Variants in BRCC3 observed in about 807,000 individuals in gnomAD.
BRCC3 encodes the protein lys-63-specific deubiquitinase BRCC36.
A neutral mutation model predicts 28.0 loss-of-function variants in BRCC3; 15 were observed. That is an observed-to-expected ratio of 0.54 (90% CI 0.36 to 0.82). The LOEUF is 0.82. Ranked by LOEUF, BRCC3 falls within the 40% of genes least tolerant of loss-of-function variation. The pLI is 0.01. For missense variants in BRCC3, 109 were observed against 225.9 expected, an observed-to-expected ratio of 0.48 and a Z score of 3.32; for synonymous variants, 66 against 80.3, an observed-to-expected ratio of 0.82 and a Z score of 0.95.
intron 7 of BRCC3, among the ~76,000 whole-genome samples, chrX:155,093,163 T>C (rs1211268506): frequency 1.8e-5 from 2 of 111,117 alleles, no homozygotes; most frequent in Non-Finnish European, 3.8e-5. Context: ...TTCAAACTGC[T>C]GTACACTTCA....
chrX:155,105,367 C>T (rs1485740321), intron 7 of BRCC3, among the ~76,000 whole-genome samples: 3 of 111,512 alleles, frequency 2.7e-5, no homozygotes, highest in African/African-American at 9.8e-5. Context: ...CCTGTAATCC[C>T]AGCTACTCGG....
chrX:155,084,195 A>T (rs1557294492), intron 5 of BRCC3, among the ~76,000 whole-genome samples: 1 of 112,491 alleles, frequency 8.9e-6, no homozygotes, highest in African/African-American at 3.2e-5. Context: ...AGACTATTTC[A>T]TAAATCTCCC....
intron 7 of BRCC3, 117 bp from the exon 8 acceptor site, chrX:155,115,940 C>T: frequency 1.4e-6 from 1 of 719,473 alleles, no homozygotes; most frequent in Middle Eastern, 5.2e-4. Flanking sequence ...AAATGAATTA[C>T]AGCAATGCTT....
intron 7 of BRCC3, among the ~76,000 whole-genome samples, chrX:155,096,045 G>A (rs782811994): frequency 5.6e-4 from 63 of 112,176 alleles, no homozygotes; most frequent in African/African-American, 1.9e-3. Flanking sequence ...CCATCAATAA[G>A]TAATGCATGA....
At chrX:155,090,763 C>T (rs1557295524) in intron 6 of BRCC3, 21 bp from the exon 7 acceptor site, 4 of 1,160,454 alleles carry the variant, frequency 3.4e-6, no homozygotes, top group Non-Finnish European at 4.7e-6. Flanking sequence ...ATATTTCTTT[C>T]TTTCTTTTTT....
intron 3 of BRCC3, among the ~76,000 whole-genome samples, chrX:155,076,899 G>C (rs2074048938): frequency 8.9e-6 from 1 of 111,884 alleles, no homozygotes; most frequent in Admixed American, 9.5e-5. Context: ...TTTGTACATA[G>C]TTGTAAGTCA....
intron 6 of BRCC3, among the ~76,000 whole-genome samples, chrX:155,090,127 T>C (rs1465657514): frequency 8.9e-6 from 1 of 112,353 alleles, no homozygotes; most frequent in Non-Finnish European, 1.9e-5. Context: ...AGGAGTATTA[T>C]TCCCATTTTA....
chrX:155,101,709 T>C (rs1315913418), intron 7 of BRCC3, among the ~76,000 whole-genome samples: 1 of 111,806 alleles, frequency 8.9e-6, no homozygotes, highest in Non-Finnish European at 1.9e-5. Context: ...CTTTCTTTGA[T>C]TTTCTAGCAC....
At chrX:155,116,215 C>T in intron 8 of BRCC3, 27 bp downstream of exon 8, 2 of 1,156,163 alleles carry the variant, frequency 1.7e-6, no homozygotes, top group Non-Finnish European at 2.3e-6. Flanking sequence ...CTCCTCTTCT[C>T]TACTTCTCAG....
intron 5 of BRCC3, among the ~76,000 whole-genome samples, chrX:155,085,420 C>T (rs1271125167): frequency 8.9e-6 from 1 of 112,239 alleles, no homozygotes; most frequent in Non-Finnish European, 1.9e-5. Flanking sequence ...ACAGCTTAAC[C>T]AGCTCTCTGC....
intron 3 of BRCC3, 61 bp from the exon 4 acceptor site, chrX:155,077,109 T>C (rs1300782952): frequency 2.0e-6 from 2 of 1,020,861 alleles, no homozygotes; most frequent in African/African-American, 3.8e-5. Flanking sequence ...ATTCTATAGT[T>C]GAAGGGGGAT....
Position 155,085,041 on chromosome X carries a change from A to G in BRCC3, c.404-4222A>G, listed in dbSNP as rs927159426. On this transcript the variant is annotated intron_variant, in intron 5 of 10. Transcript: ENST00000330045. ...TTTCAGATATATAAGAACATTTCCA[A>G]TGGCCTCCACATGTAATTTTGGAAA... Among the ~76,000 whole-genome samples, 13 of 111,962 alleles carry G rather than the reference A, an allele frequency of 1.2e-4. 1 individual carries two copies. The highest frequency in any genetic ancestry group is 1.9e-4 in the Non-Finnish European group (10 of 53,206).
Position 155,079,929 on chromosome X carries a change from A to G in BRCC3, c.403+1226A>G, listed in dbSNP as rs1489247046. On this transcript the variant is annotated intron_variant, in intron 5 of 10. Transcript: ENST00000330045. ...CACAAAGAAATTCTCTTACATAACC[A>G]TGATACATTTATAAAAATTGGGAAA... Among the ~76,000 whole-genome samples the G allele has an allele frequency of 3.6e-5, 4 of 111,409 alleles. No homozygotes were observed. The East Asian group carries it at 1.1e-3, about 31-fold the overall frequency.
At chrX:155,109,688 G>A (rs1314020378) in intron 7 of BRCC3, among the ~76,000 whole-genome samples, 2 of 111,143 alleles carry the variant, frequency 1.8e-5, no homozygotes, top group Admixed American at 1.9e-4. Context: ...ATTTCCTTGG[G>A]ATTTTCTATG....
intron 7 of BRCC3, among the ~76,000 whole-genome samples, chrX:155,101,357 C>T (rs1205286865): frequency 4.5e-5 from 5 of 111,505 alleles, no homozygotes; most frequent in African/African-American, 1.3e-4. Context: ...GGAACCAATC[C>T]CCAACAGCTA....
At chrX:155,099,665 A>T (rs2074235126) in intron 7 of BRCC3, among the ~76,000 whole-genome samples, 1 of 112,218 alleles carries the variant, frequency 8.9e-6, no homozygotes, top group Non-Finnish European at 1.9e-5. Context: ...TATGTATTAT[A>T]GTTCTTGTTA....
At chrX:155,086,355 C>T (rs1188172257) in intron 5 of BRCC3, among the ~76,000 whole-genome samples, 2 of 111,300 alleles carry the variant, frequency 1.8e-5, no homozygotes, top group Non-Finnish European at 3.8e-5. Flanking sequence ...CGCCTGCCCT[C>T]GCTTCCTCCC....
chrX:155,089,219 A>T (rs1557295307), intron 5 of BRCC3, 44 bp from the exon 6 acceptor site: 1 of 911,859 alleles, frequency 1.1e-6, no homozygotes, highest in South Asian at 2.2e-5. Flanking sequence ...GCTGTGAGAC[A>T]CAGCTTATTG....
intron 7 of BRCC3, among the ~76,000 whole-genome samples, chrX:155,097,171 A>C (rs1017367851): frequency 9.0e-6 from 1 of 111,673 alleles, no homozygotes; most frequent in Non-Finnish European, 1.9e-5. Context: ...TATCAAACTA[A>C]AACGCCTGCA....
Sources: gnomAD v4.1 joint callset for allele counts (sites outside exome capture counted in the v4.1 genomes callset) on GRCh38, gnomAD v4.1.1 for gene constraint, MANE v1.5 for transcripts, NCBI Gene and HGNC (gene_info 2026-07-23, HGNC 2026-07-21) for gene names.